The following HDAC6 variants were observed in gnomAD, a reference collection of about 807,000 sequenced individuals.
HDAC6 encodes histone deacetylase 6, also known as protein deacetylase HDAC6.
A neutral mutation model predicts 88.9 loss-of-function variants in HDAC6; 5 were observed. The observed-to-expected ratio is 0.06, with a 90% CI of 0.03 to 0.12. HDAC6 has a LOEUF of 0.12. HDAC6 is among the 10% of genes least tolerant of loss of function. The pLI is 1.00. For missense variants in HDAC6, 706 were observed against 1,014.4 expected (o/e 0.70, Z 4.13); for synonymous variants, 378 against 398.0 (o/e 0.95, Z 0.60).
chrX:48,824,521 C>T (rs2063137051), intron 28 of HDAC6, 23 bp from the exon 29 acceptor site: 2 of 1,190,887 alleles, frequency 1.7e-6, no homozygotes, highest in African/African-American at 1.8e-5. Context: ...CTCTCACCTG[C>T]CCTATTCTTG....
intron 6 of HDAC6, 26 bp downstream of exon 6, chrX:48,805,697 A>G: frequency 8.8e-7 from 1 of 1,140,182 alleles, no homozygotes; most frequent in Non-Finnish European, 1.2e-6. Context: ...CCTTGTAGGG[A>G]TGGGGAGGAG....
chrX:48,818,276 A>G lies in HDAC6; in HGVS notation c.2051A>G (p.Asp684Gly), dbSNP rs1557028413. ...CATGGCACCTTCTTCCCCATGGGGG[A>G]TGAGGGTGCCAGCAGCCAGATCGGC... ...YDHGTFFPMG[D>G]EGASSQIGRA... Residue 684 changes from aspartate (D) to glycine (G), a missense_variant, in exon 22 of 29, where the codon GAT (aspartate) becomes GGT (glycine). By Grantham distance (94) the Asp-to-Gly change is moderately conservative. Transcript: ENST00000334136. The G allele has an allele frequency of 8.3e-7, 1 of 1,198,960 alleles. No homozygotes were observed. Among genetic ancestry groups the G allele is most frequent in the Middle Eastern group, 2.3e-4 (1 of 4,337 alleles).
At chrX:48,818,854 C>G (rs1194508263) in intron 22 of HDAC6, among the ~76,000 whole-genome samples, 1 of 112,249 alleles carries the variant, frequency 8.9e-6, no homozygotes, top group Non-Finnish European at 1.9e-5. Context: ...CTGTGTGGGA[C>G]CTTCTGGATG....
chrX:48,819,867 T>G (rs1475756779), intron 22 of HDAC6: 5 of 480,645 alleles, frequency 1.0e-5, no homozygotes, highest in Non-Finnish European at 1.5e-5. Flanking sequence ...GCCATCTCCA[T>G]GTCTCTAAGT....
chrX:48,815,307 C>T, intron 14 of HDAC6, 77 bp from the exon 15 acceptor site: 1 of 769,785 alleles, frequency 1.3e-6, no homozygotes, highest in Non-Finnish European at 2.0e-6. Context: ...TATGCACTCT[C>T]TTATTATCAT....
intron 22 of HDAC6, chrX:48,819,334 T>C (rs1318681984): frequency 8.5e-6 from 1 of 117,728 alleles, no homozygotes; most frequent in Non-Finnish European, 1.8e-5. Context: ...TGTGTGACCA[T>C]CTTCTCTGTA....
At chrX:48,808,373 A>G (rs2062850761) in intron 10 of HDAC6, 47 bp downstream of exon 10, 2 of 978,616 alleles carry the variant, frequency 2.0e-6, no homozygotes, top group South Asian at 2.1e-5. Context: ...GCCACCTCCC[A>G]CCCTTACAGG....
Position 48,815,955 on chromosome X carries a change from C to A in HDAC6, c.1396C>A (p.Pro466Thr). 1 of 1,209,993 alleles carries A rather than the reference C, an allele frequency of 8.3e-7. No individual in the cohort carries two copies. The change falls in exon 17 of 29, where the codon CCC (proline) becomes ACC (threonine). Residue 466 changes from proline to threonine, a missense_variant. Transcript: ENST00000334136. ...EESEEEGPWE[P>T]PVLPILTWPV... is the part of the protein sequence containing the mutation. The stretch of plus-strand genomic sequence containing the variant: ...GAGCGAGGAGGAAGGACCCTGGGAG[C>A]CCCCTGTGCTCCCAATCCTGACATG...
Position 48,822,727 on chromosome X carries a change from G to C in HDAC6, c.2445G>C (p.Gly815=). ...LLTLPRPPLS[G]ALASITETIQ... ...CCCTGCCACGGCCCCCACTATCAGGGGCCCTGGCCTCAATCACTGAGACCA... is the reference window on the plus strand; with the variant it reads ...CCCTGCCACGGCCCCCACTATCAGGCGCCCTGGCCTCAATCACTGAGACCA... The change falls in exon 24 of 29, where the codon GGG becomes GGC. Residue 815 remains glycine, a synonymous_variant. Coordinates refer to ENST00000334136, the MANE Select transcript of HDAC6 (RefSeq NM_006044.4). The C allele has an allele frequency of 2.5e-6, 3 of 1,210,586 alleles. No individual in the cohort carries two copies. The highest frequency in any genetic ancestry group is 3.4e-6 in the Non-Finnish European group (3 of 894,744).
chrX:48,812,295 C>T, intron 10 of HDAC6, among the ~76,000 whole-genome samples: 1 of 112,634 alleles, frequency 8.9e-6, no homozygotes, highest in Non-Finnish European at 1.9e-5. Context: ...TTGGATCTCC[C>T]AGCTCCCCAT....
In HDAC6 at chrX:48,816,011, C is replaced by T. The variant is rs1557027487; in HGVS notation, c.1452C>T (p.Val484=). ...TGCTACAGTCTCGCACAGGGCTGGT[C>T]TATGACCAAAATATGATGAATCACT... ...WPVLQSRTGL[V]YDQNMMNHCN... Residue 484 remains valine (V), a synonymous_variant, in exon 17 of 29, where the codon GTC becomes GTT. Coordinates refer to ENST00000334136, the MANE Select transcript of HDAC6 (RefSeq NM_006044.4). 1 of 1,209,925 alleles carries T rather than the reference C, an allele frequency of 8.3e-7. No individual in the cohort carries two copies. Among genetic ancestry groups the T allele is most frequent in the African/African-American group, 1.7e-5 (1 of 57,167 alleles).
At chrX:48,808,001 A>G in intron 8 of HDAC6, 32 bp from the exon 9 acceptor site, 1 of 1,029,266 alleles carries the variant, frequency 9.7e-7, no homozygotes, top group Non-Finnish European at 1.3e-6. Flanking sequence ...CCCCTCACAT[A>G]CTCCAAGCTG....
In HDAC6 at chrX:48,806,394, C is replaced by G. The variant is rs2147335130; in HGVS notation, c.464C>G (p.Thr155Arg). 7 of 1,194,328 alleles carry G rather than the reference C, an allele frequency of 5.9e-6. No homozygotes were observed. The East Asian group carries it at 2.1e-4, about 35-fold the overall frequency. The change falls in exon 7 of 29, where the codon ACA becomes AGA. Residue 155 changes from threonine to arginine, a missense_variant. This residue lies in a region of HDAC6 where 193 missense variants were observed against 258.2 expected (regional missense o/e 0.75). Coordinates refer to ENST00000334136, the MANE Select transcript of HDAC6 (RefSeq NM_006044.4). ...CTAGAATATATTGATCTGATGGAAA[C>G]AACCCAGTACATGAATGAGGGAGAA... is the stretch of plus-strand genomic sequence containing the variant. The part of the protein sequence containing the change: ...HSLEYIDLME[T>R]TQYMNEGELR...
In HDAC6 at chrX:48,820,629, T is replaced by A. The variant is rs1557029439; in HGVS notation, c.2337+374T>A. 2.4e-4 allele frequency among the ~76,000 whole-genome samples: 27 copies of A among 111,815 alleles called. 1 individual carries two copies. Among genetic ancestry groups the A allele is most frequent in the Non-Finnish European group, 3.8e-5 (2 of 53,153 alleles). ...AACCAGGACTTGAACCCATGCAGCC[T>A]GGCTCCAGGGTTTGTGCTTTTTACT... On this transcript the variant is annotated intron_variant, in intron 23 of 28. Coordinates refer to ENST00000334136, the MANE Select transcript of HDAC6 (RefSeq NM_006044.4).
At chrX:48,803,646 C>T (rs782025669) in intron 4 of HDAC6, among the ~76,000 whole-genome samples, 3 of 111,808 alleles carry the variant, frequency 2.7e-5, no homozygotes, top group South Asian at 3.7e-4. Context: ...TGAAACCTCC[C>T]GTTTGCTTTA....
In HDAC6 at chrX:48,815,564, C is replaced by T; in HGVS notation, c.1257-11C>T. ...CATTCCTTGACATCATATTTTCTCC[C>T]TGCCCTGCAGTGCCCAGGCTTCAGT... On this transcript the variant is annotated splice_polypyrimidine_tract_variant and intron_variant, in intron 15 of 28. Transcript: ENST00000334136. 1 of 1,210,018 alleles carries T rather than the reference C, an allele frequency of 8.3e-7. No homozygotes were observed. Among genetic ancestry groups the T allele is most frequent in the Non-Finnish European group, 1.1e-6 (1 of 893,882 alleles).
In HDAC6 at chrX:48,816,673, G is replaced by A. The variant is rs782641404; in HGVS notation, c.1791+40G>A. 5 of 1,033,370 alleles carry A rather than the reference G, an allele frequency of 4.8e-6. No homozygotes were observed. In the African/African-American group the frequency reaches 6.0e-5, roughly 12 times the overall value. 85.2% of individuals were successfully genotyped at this position (1,033,370 alleles called of 1,213,427 possible). Reference sequence around the variant, plus strand: ...GGCTGGGGAGAGGAGGACCTGGGGGGAATGGAAAAAGAGAGCCATCTGCTG... The same window carrying A: ...GGCTGGGGAGAGGAGGACCTGGGGGAAATGGAAAAAGAGAGCCATCTGCTG... On this transcript the variant is annotated intron_variant, in intron 19 of 28. Coordinates refer to ENST00000334136, the MANE Select transcript of HDAC6 (RefSeq NM_006044.4).
chrX:48,816,979 A>G (rs1602264249), intron 19 of HDAC6: 1 of 263,352 alleles, frequency 3.8e-6, no homozygotes. Context: ...TCCGGGCGTG[A>G]TGGCTCACAC....
In HDAC6 at chrX:48,824,279, C is replaced by T. The variant is rs1279827894; in HGVS notation, c.3564C>T (p.Ala1188=). The part of the protein sequence containing the change: ...DLSAWCYYCQ[A]YVHHQALLDV... ...CAGCCTGGTGTTACTACTGTCAGGC[C>T]TATGTCCACCACCAGGTGGGCCCTG... The change falls in exon 28 of 29, where the codon GCC becomes GCT. Residue 1188 remains alanine, a synonymous_variant. Transcript: ENST00000334136. 3.3e-6 allele frequency: 4 copies of T among 1,208,125 alleles called. No individual in the cohort carries two copies. The Admixed American group carries it at 8.8e-5, about 26-fold the overall frequency.
Sources: gnomAD v4.1 joint callset for allele counts (sites outside exome capture counted in the v4.1 genomes callset) on GRCh38, gnomAD v4.1.1 for gene constraint, gnomAD v4.1.1 regional missense constraint, MANE v1.5 for transcripts, NCBI Gene and HGNC (gene_info 2026-07-23, HGNC 2026-07-21) for gene names.